CSMD1: variants seen among roughly 807,000 people sequenced by gnomAD.
The protein encoded by CSMD1 is CUB and sushi domain-containing protein 1.
CSMD1 carries 213 observed loss-of-function variants against 417.5 expected under a neutral mutation model. The observed-to-expected ratio is 0.51, with a 90% CI of 0.46 to 0.57. CSMD1 has a LOEUF of 0.57. CSMD1 is among the 20% of genes least tolerant of loss of function. CSMD1 has a pLI of 0.00. For missense variants in CSMD1, 6,923 were observed against 4,529.7 expected (o/e 1.53, Z -15.17); for synonymous variants, 2,862 against 1,736.8 (o/e 1.65, Z -16.11).
At chr8:3,941,700 C>T (rs1166238189) in intron 5 of CSMD1, among the ~76,000 whole-genome samples, 1 of 152,068 alleles carries the variant, frequency 6.6e-6, no homozygotes, top group Non-Finnish European at 1.5e-5. Context: ...GAGATTTTTT[C>T]CCAGATGTTA....
intron 5 of CSMD1, among the ~76,000 whole-genome samples, chr8:3,819,846 G>T (rs886970905): frequency 6.6e-6 from 1 of 152,118 alleles, no homozygotes; most frequent in South Asian, 2.1e-4. Flanking sequence ...CACCTGGCCT[G>T]AAAGTGATTT....
chr8:4,248,708 G>A (rs926418118), intron 3 of CSMD1, among the ~76,000 whole-genome samples: 2 of 152,082 alleles, frequency 1.3e-5, no homozygotes, highest in African/African-American at 2.4e-5. Flanking sequence ...CTTGTATCCT[G>A]CTCTTCTTTT....
chr8:3,475,765 C>A (rs1157555660), intron 11 of CSMD1, among the ~76,000 whole-genome samples: 2 of 152,182 alleles, frequency 1.3e-5, no homozygotes, highest in Non-Finnish European at 1.5e-5. Flanking sequence ...AAGCGGTTAA[C>A]CCAAAATGAA....
At chr8:3,534,447 T>C (rs1302347011) in intron 10 of CSMD1, among the ~76,000 whole-genome samples, 2 of 151,294 alleles carry the variant, frequency 1.3e-5, no homozygotes, top group Admixed American at 6.6e-5. Context: ...CCTATCAGCA[T>C]GTGAGGATCA....
At chr8:3,850,619 T>C (rs1327739132) in intron 5 of CSMD1, among the ~76,000 whole-genome samples, 1 of 152,002 alleles carries the variant, frequency 6.6e-6, no homozygotes, top group Non-Finnish European at 1.5e-5. Flanking sequence ...AACTTGAACC[T>C]GGGGGGCGGA....
At chr8:4,088,421 A>C (rs1341863842) in intron 3 of CSMD1, among the ~76,000 whole-genome samples, 1 of 152,174 alleles carries the variant, frequency 6.6e-6, no homozygotes, top group Non-Finnish European at 1.5e-5. Context: ...TTTCCTCTCC[A>C]AACTCACTGA....
intron 50 of CSMD1, among the ~76,000 whole-genome samples, chr8:3,031,965 T>G (rs1247998031): frequency 1.6e-5 from 2 of 124,584 alleles, no homozygotes; most frequent in African/African-American, 4.0e-5. Context: ...TATATGTGTG[T>G]ATGTGTGTGT....
Position 4,303,911 on chromosome 8 carries a change from T to G in CSMD1, c.415+116042A>C, listed in dbSNP as rs890155315. 5.3e-5 allele frequency among the ~76,000 whole-genome samples: 8 copies of G among 152,116 alleles called. 1 individual carries two copies. The highest frequency in any genetic ancestry group is 1.5e-5 in the Non-Finnish European group (1 of 68,038). ...ACCTTGTGATCTGCCTGCCTCAGCCTCTCAGTACTTTTCTAAAGAAAGGAT... is the reference window on the plus strand; with the variant it reads ...ACCTTGTGATCTGCCTGCCTCAGCCGCTCAGTACTTTTCTAAAGAAAGGAT... On this transcript the variant is annotated intron_variant, in intron 3 of 69. Transcript: ENST00000635120.
At chr8:3,491,956 G>T (rs1207547202) in intron 11 of CSMD1, among the ~76,000 whole-genome samples, 1 of 152,182 alleles carries the variant, frequency 6.6e-6, no homozygotes, top group Non-Finnish European at 1.5e-5. Flanking sequence ...TCACAGCCCA[G>T]AGGTCCCGGC....
chr8:3,544,941 T>G (rs1798596857), intron 10 of CSMD1, among the ~76,000 whole-genome samples: 1 of 152,184 alleles, frequency 6.6e-6, no homozygotes, highest in East Asian at 1.9e-4. Flanking sequence ...CTTAAATATC[T>G]TAGATCTCTT....
At chr8:4,726,643 A>G (rs529740848) in intron 1 of CSMD1, among the ~76,000 whole-genome samples, 2 of 152,298 alleles carry the variant, frequency 1.3e-5, no homozygotes, top group South Asian at 4.1e-4. Flanking sequence ...ATTTCAAGGT[A>G]CTTCATCATC....
chr8:4,716,390 C>A (rs1235095111), intron 1 of CSMD1, among the ~76,000 whole-genome samples: 1 of 152,178 alleles, frequency 6.6e-6, no homozygotes, highest in African/African-American at 2.4e-5. Flanking sequence ...GGAAGGCCAA[C>A]ACAAGGATGG....
chr8:4,904,590 C>T (rs1025479716), intron 1 of CSMD1, among the ~76,000 whole-genome samples: 1 of 152,050 alleles, frequency 6.6e-6, no homozygotes, highest in Non-Finnish European at 1.5e-5. Flanking sequence ...TAGTGAATAT[C>T]ATTAAGCACA....
chr8:4,573,100 C>A (rs1035593835), intron 2 of CSMD1, among the ~76,000 whole-genome samples: 1 of 152,144 alleles, frequency 6.6e-6, no homozygotes, highest in African/African-American at 2.4e-5. Context: ...TATTACCCAC[C>A]TTCTGAAGCC....
At chr8:3,669,370 TC>T (rs1322348769) in intron 7 of CSMD1, among the ~76,000 whole-genome samples, 4 of 152,030 alleles carry the variant, frequency 2.6e-5, no homozygotes, top group African/African-American at 9.7e-5. Flanking sequence ...GGCGGGAGGG[TC>T]CAAGGCCTTG....
rs186669962 is a variant in CSMD1, at chr8:3,645,080, T to C, written c.1010-28283A>G. On this transcript the variant is annotated intron_variant, in intron 7 of 69. Coordinates refer to ENST00000635120, the MANE Select transcript of CSMD1 (RefSeq NM_033225.6). Reference sequence around the variant, plus strand: ...AAGATCCAGCAGCCTTCTTACCATCTTGAATTGCACAACTTCTGTCCTGAA... The same window carrying C: ...AAGATCCAGCAGCCTTCTTACCATCCTGAATTGCACAACTTCTGTCCTGAA... Among the ~76,000 whole-genome samples the C allele has an allele frequency of 2.6e-5, 4 of 152,060 alleles. No individual in the cohort carries two copies. In the East Asian group the frequency reaches 7.7e-4, roughly 29 times the overall value.
intron 7 of CSMD1, among the ~76,000 whole-genome samples, chr8:3,701,309 C>G (rs1042339743): frequency 6.6e-6 from 1 of 152,120 alleles, no homozygotes; most frequent in African/African-American, 2.4e-5. Context: ...GTTTTCTTCT[C>G]TCTTTATTTC....
At chr8:4,113,620 G>A (rs1039162906) in intron 3 of CSMD1, among the ~76,000 whole-genome samples, 5 of 151,956 alleles carry the variant, frequency 3.3e-5, no homozygotes, top group African/African-American at 1.2e-4. Flanking sequence ...TAGCCAGGAT[G>A]GTCTTGAACT....
chr8:3,034,680 T>G (rs372463834), intron 50 of CSMD1, among the ~76,000 whole-genome samples: 2 of 152,196 alleles, frequency 1.3e-5, no homozygotes, highest in African/African-American at 4.8e-5. Flanking sequence ...CTAGGATGCT[T>G]CTGTTATGTT....
Sources: allele counts gnomAD v4.1 joint callset (sites outside exome capture counted in the v4.1 genomes callset), GRCh38; gene constraint gnomAD v4.1.1; transcripts MANE v1.5; gene names NCBI Gene and HGNC (gene_info 2026-07-23, HGNC 2026-07-21).